The following PPARGC1B variants were observed in gnomAD, a reference collection of about 807,000 sequenced individuals.
The protein encoded by PPARGC1B is PPARG coactivator 1 beta.
In PPARGC1B, 34 loss-of-function variants were observed where a neutral mutation model predicts 101.6. The observed-to-expected ratio is 0.33, with a 90% CI of 0.25 to 0.45. The LOEUF (loss-of-function observed/expected upper bound fraction) is 0.45, where lower values mean the gene tolerates loss of function less well. Among genes scored for constraint, PPARGC1B ranks in the 20% least tolerant of loss-of-function variants. PPARGC1B has a pLI of 1.00. For synonymous variants in PPARGC1B, 548 were observed against 539.3 expected (o/e 1.02, Z -0.22); for missense variants, 1,234 against 1,317.6 (o/e 0.94, Z 0.98).
intron 1 of PPARGC1B, among the ~76,000 whole-genome samples, chr5:149,792,553 G>A (rs773557022): frequency 6.6e-6 from 1 of 152,156 alleles, no homozygotes; most frequent in Non-Finnish European, 1.5e-5. Flanking sequence ...GCACTAGGAC[G>A]CTGGGATTCT....
intron 1 of PPARGC1B, among the ~76,000 whole-genome samples, chr5:149,737,694 T>C (rs1035534887): frequency 3.3e-5 from 5 of 152,144 alleles, no homozygotes; most frequent in African/African-American, 9.7e-5. Context: ...GATATGATGA[T>C]TAAGATTGTT....
intron 1 of PPARGC1B, among the ~76,000 whole-genome samples, chr5:149,799,817 C>T (rs777322381): frequency 7.3e-5 from 11 of 149,688 alleles, no homozygotes; most frequent in Non-Finnish European, 1.5e-4. Context: ...CCTGCCTCAG[C>T]CTCCTGAATA....
chr5:149,799,784 G>A (rs111858747), intron 1 of PPARGC1B, among the ~76,000 whole-genome samples: 25,165 of 134,900 alleles, frequency 0.19, 2,384 homozygotes, highest in South Asian at 0.38. Flanking sequence ...TGCAACCTCC[G>A]CCTCCCGGGT....
At chr5:149,807,294 C>T (rs991079606) in intron 1 of PPARGC1B, among the ~76,000 whole-genome samples, 1 of 152,118 alleles carries the variant, frequency 6.6e-6, no homozygotes, top group African/African-American at 2.4e-5. Flanking sequence ...CTTTGTCATC[C>T]TCCTGACACA....
chr5:149,760,164 A>T (rs1755669032), intron 1 of PPARGC1B, among the ~76,000 whole-genome samples: 1 of 152,154 alleles, frequency 6.6e-6, no homozygotes, highest in South Asian at 2.1e-4. Flanking sequence ...ATGGACACGA[A>T]TGTGAACAAG....
intron 1 of PPARGC1B, among the ~76,000 whole-genome samples, chr5:149,800,830 G>A (rs2113289730): frequency 6.6e-6 from 1 of 152,354 alleles, no homozygotes; most frequent in South Asian, 2.1e-4. Flanking sequence ...AATGGGTTCT[G>A]GATGCTTTTA....
chr5:149,799,460 G>A (rs1581066833), intron 1 of PPARGC1B, among the ~76,000 whole-genome samples: 2 of 152,094 alleles, frequency 1.3e-5, no homozygotes, highest in African/African-American at 2.4e-5. Flanking sequence ...GGGCTCTCAT[G>A]CCCTTCCCTG....
intron 4 of PPARGC1B, 62 bp downstream of exon 4, chr5:149,830,945 C>A: frequency 1.7e-6 from 2 of 1,151,816 alleles, no homozygotes; most frequent in South Asian, 1.2e-5. Flanking sequence ...GCCTTCAGCT[C>A]TGGTGGAGGA....
chr5:149,772,929 A>G (rs1000870559), intron 1 of PPARGC1B, among the ~76,000 whole-genome samples: 4 of 152,160 alleles, frequency 2.6e-5, no homozygotes, highest in Non-Finnish European at 5.9e-5. Flanking sequence ...ATGGTATCCT[A>G]TGCCAGTGGT....
At position 149,842,273 on chromosome 5, in the gene PPARGC1B, G is replaced by T. The variant is rs766336476; in HGVS notation, c.2712G>T (p.Val904=). 2.5e-6 allele frequency: 4 copies of T among 1,613,774 alleles called. No individual in the cohort carries two copies. The African/African-American group carries it at 4.0e-5, about 16-fold the overall frequency. ...REKAIGEGRV[V]YIQNLSSDMS... is the part of the protein sequence containing the mutation. The stretch of plus-strand genomic sequence containing the variant: ...TTGGGCAGGGGGAAGGCCGCGTGGT[G>T]TACATTCAAAATCTCTCCAGCGACA... The change falls in exon 10 of 12, where the codon GTG becomes GTT. Residue 904 remains valine (V), a synonymous_variant. Coordinates refer to ENST00000309241, the MANE Select transcript of PPARGC1B (RefSeq NM_133263.4).
At chr5:149,761,020 C>T (rs774111778) in intron 1 of PPARGC1B, among the ~76,000 whole-genome samples, 7 of 152,206 alleles carry the variant, frequency 4.6e-5, no homozygotes, top group Non-Finnish European at 1.0e-4. Flanking sequence ...AGGCATCCGG[C>T]CCCTTCCCAC....
chr5:149,837,600 G>A lies in PPARGC1B; in HGVS notation c.2618+527G>A, dbSNP rs1183850734. ...GGCTTTCACCAGTTGGCTGCCCCTC[G>A]AAGGGCTTTGACCTCAGTGGAGGGA... On this transcript the variant is annotated intron_variant, in intron 8 of 11. Coordinates refer to ENST00000309241, the MANE Select transcript of PPARGC1B (RefSeq NM_133263.4). The surrounding 1 kb of genome is among the most constrained non-coding windows in gnomAD (Gnocchi z 4.2). 1.3e-5 allele frequency among the ~76,000 whole-genome samples: 2 copies of A among 152,156 alleles called. No homozygotes were observed. Among genetic ancestry groups the A allele is most frequent in the African/African-American group, 2.4e-5 (1 of 41,432 alleles).
chr5:149,832,258 G>A lies in PPARGC1B; in HGVS notation c.583-398G>A, dbSNP rs1055623245. ...TGGGAAGCAGAGGTTGCAGTGGGCCGAGATCGATGAATCCCCCAGTGCTCA... is the reference window on the plus strand; with the variant it reads ...TGGGAAGCAGAGGTTGCAGTGGGCCAAGATCGATGAATCCCCCAGTGCTCA... On this transcript the variant is annotated intron_variant, in intron 4 of 11. Coordinates refer to ENST00000309241, the MANE Select transcript of PPARGC1B (RefSeq NM_133263.4). This position sits in a 1 kb window ranked among gnomAD's most constrained non-coding sequence, Gnocchi z 4.9. Among the ~76,000 whole-genome samples, 3 of 152,206 alleles carry A rather than the reference G, an allele frequency of 2.0e-5. No homozygotes were observed. The highest frequency in any genetic ancestry group is 6.5e-5 in the Admixed American group (1 of 15,286).
At chr5:149,834,408 A>T (rs546480164) in intron 5 of PPARGC1B, among the ~76,000 whole-genome samples, 1 of 152,292 alleles carries the variant, frequency 6.6e-6, no homozygotes, top group South Asian at 2.1e-4. Flanking sequence ...GTTCTTCCTC[A>T]CTGTGCTACA....
chr5:149,807,304 A>G (rs1488801163), intron 1 of PPARGC1B, among the ~76,000 whole-genome samples: 2 of 152,080 alleles, frequency 1.3e-5, no homozygotes, highest in Non-Finnish European at 1.5e-5. Context: ...CTCCTGACAC[A>G]GGAGGATGGC....
At chr5:149,732,569 TA>T (rs1717255481) in intron 1 of PPARGC1B, among the ~76,000 whole-genome samples, 1 of 152,268 alleles carries the variant, frequency 6.6e-6, no homozygotes, top group Admixed American at 6.5e-5. Context: ...CAGTGAAAGT[TA>T]ATCTGGGACA....
Position 149,820,596 on chromosome 5 carries a change from A to C in PPARGC1B, c.242A>C (p.Glu81Ala). The change falls in exon 2 of 12, where the codon GAG (glutamate) becomes GCG (alanine). Residue 81 changes from glutamate to alanine, a missense_variant. Around this residue, in one of 3 missense-constraint regions of PPARGC1B, gnomAD observed 734 missense variants for 768.4 expected, o/e 0.96. Transcript: ENST00000309241. ...AACCAGTACAGCCCCGATGACTCCG[A>C]GCTCTTCCAGGTATGCCCTTTCCAG... ...EPNQYSPDDS[E>A]LFQIDSENEA... 6.2e-7 allele frequency: 1 copy of C among 1,610,840 alleles called. No homozygotes were observed. Among genetic ancestry groups the C allele is most frequent in the Non-Finnish European group, 8.5e-7 (1 of 1,179,570 alleles).
intron 4 of PPARGC1B, among the ~76,000 whole-genome samples, chr5:149,831,246 T>TC (rs370932077): frequency 1.7e-3 from 253 of 152,176 alleles, no homozygotes; most frequent in African/African-American, 5.3e-3. Flanking sequence ...GGATTTTTTT[T>TC]CCCCCCTCAG....
Position 149,833,686 on chromosome 5 carries a change from G to A in PPARGC1B, c.1613G>A (p.Arg538Gln), listed in dbSNP as rs1199093107. The A allele has an allele frequency of 1.2e-6, 2 of 1,608,750 alleles. No homozygotes were observed. Among genetic ancestry groups the A allele is most frequent in the Middle Eastern group, 1.7e-4 (1 of 6,060 alleles). Residue 538 changes from arginine to glutamine, a missense_variant, in exon 5 of 12, where the codon CGG becomes CAG. Physicochemically the swap from Arg to Gln is conservative, Grantham distance 43. Around this residue, in one of 3 missense-constraint regions of PPARGC1B, gnomAD observed 734 missense variants for 768.4 expected, o/e 0.96. Transcript: ENST00000309241. The surrounding 1 kb of genome is among the most constrained non-coding windows in gnomAD (Gnocchi z 4.1). The part of the protein sequence containing the change: ...EDSGQDQQLL[R>Q]GPQIPALESP... ...AGTGGCCAAGACCAGCAGCTCCTAC[G>A]GGGACCCCAGATCCCTGCCCTGGAG...
Sources: allele counts gnomAD v4.1 joint callset (sites outside exome capture counted in the v4.1 genomes callset), GRCh38; gene constraint gnomAD v4.1.1; regional missense constraint gnomAD v4.1.1; non-coding constraint Gnocchi (gnomAD v3.1); transcripts MANE v1.5; gene names NCBI Gene and HGNC (gene_info 2026-07-23, HGNC 2026-07-21).